Variants in MBD1 observed in about 807,000 individuals in gnomAD.
MBD1 encodes methyl-CpG binding domain protein 1.
A neutral mutation model predicts 82.6 loss-of-function variants in MBD1; 25 were observed. The ratio of observed to expected loss-of-function variants is 0.30; its 90% confidence interval spans 0.22 to 0.42. MBD1 has a LOEUF of 0.42. MBD1 is among the 10% of genes least tolerant of loss of function. MBD1 has a pLI of 1.00. For synonymous variants in MBD1, 301 were observed against 303.7 expected (o/e 0.99, Z 0.09); for missense variants, 627 against 819.6 (o/e 0.76, Z 2.87).
chr18:50,279,902 A>C lies in MBD1; in HGVS notation c.91T>G (p.Ser31Ala). ...CAGTACCTCTGGTAATAGGTGTCTG[A>C]GCGTCCACAGGTGGCCCCTGACTTG... ...FRKSGATCGR[S>A]DTYYQSPTGD... The change falls in exon 2 of 17, where the codon TCA becomes GCA. Residue 31 changes from serine (S) to alanine (A), a missense_variant. Transcript: ENST00000269468. 6.2e-7 allele frequency: 1 copy of C among 1,613,960 alleles called. No individual in the cohort carries two copies. The highest frequency in any genetic ancestry group is 1.3e-5 in the African/African-American group (1 of 75,038).
intron 16 of MBD1, chr18:50,270,350 C>G (rs2034996658): frequency 1.6e-6 from 1 of 634,904 alleles, no homozygotes; most frequent in Non-Finnish European, 2.9e-6. Flanking sequence ...CAGGTCTAAT[C>G]TTTTTGGCAC....
In MBD1 at chr18:50,281,107, G is replaced by A. The variant is rs1485995153; in HGVS notation, c.-26+256C>T. On this transcript the variant is annotated intron_variant, in intron 1 of 16. Transcript: ENST00000269468. ...TCAGATGCCCCGATGTCTCCCTTTA[G>A]CGTTCTGATCTCCACCATTCCTCTC... 3.3e-6 allele frequency: 5 copies of A among 1,495,674 alleles called. No homozygotes were observed. In the South Asian group the frequency reaches 6.1e-5, roughly 18 times the overall value. 92.7% of individuals were successfully genotyped at this position (1,495,674 alleles called of 1,614,324 possible).
intron 2 of MBD1, among the ~76,000 whole-genome samples, chr18:50,278,040 A>G (rs2038750483): frequency 6.6e-6 from 1 of 152,222 alleles, no homozygotes; most frequent in South Asian, 2.1e-4. Flanking sequence ...GGATAGTACC[A>G]AACCCTAATG....
chr18:50,273,755 G>C lies in MBD1; in HGVS notation c.1255C>G (p.Pro419Ala), dbSNP rs755061068. 40 of 1,613,990 alleles carry C rather than the reference G, an allele frequency of 2.5e-5. No homozygotes were observed. In the South Asian group the frequency reaches 4.4e-4, roughly 18 times the overall value. Residue 419 changes from proline to alanine, a missense_variant, in exon 12 of 17, where the codon CCT (proline) becomes GCT (alanine). Transcript: ENST00000269468. ...GTAGCCAAGGTGGGCTTCAAGGTAG[G>C]GCCAAGATGGTGCCGTCGGGCAGAG... is the stretch of plus-strand genomic sequence containing the variant. ...PSSARRHHLGPTLKPTLATRT... is the reference protein window; with the variant it reads ...PSSARRHHLGATLKPTLATRT...
intron 15 of MBD1, among the ~76,000 whole-genome samples, chr18:50,271,805 A>T (rs2035674069): frequency 6.6e-6 from 1 of 152,176 alleles, no homozygotes; most frequent in Non-Finnish European, 1.5e-5. Context: ...ACCCAACAGG[A>T]ACTCAATCAA....
rs1568207054 is a variant in MBD1, at chr18:50,273,401, T to C, written c.1517A>G (p.Gln506Arg). The change falls in exon 13 of 17, where the codon CAG (glutamine) becomes CGG (arginine). Residue 506 changes from glutamine (Q) to arginine (R), a missense_variant. Physicochemically the swap from Gln to Arg is conservative, Grantham distance 43. This residue lies in a region of MBD1 where 265 missense variants were observed against 278.4 expected (regional missense o/e 0.95). Transcript: ENST00000269468. ...PQVKQEKADT[Q>R]DEWTPGTAVL... ...AGCTGTGCCTGGTGTCCACTCGTCCTGGGTATCCGCCTTCTCTTGCTTCAC... is the reference window on the plus strand; with the variant it reads ...AGCTGTGCCTGGTGTCCACTCGTCCCGGGTATCCGCCTTCTCTTGCTTCAC... 6.2e-7 allele frequency: 1 copy of C among 1,614,198 alleles called. No individual in the cohort carries two copies. The highest frequency in any genetic ancestry group is 8.5e-7 in the Non-Finnish European group (1 of 1,180,022).
chr18:50,272,410 C>A (rs1162347965), intron 15 of MBD1: 2 of 515,960 alleles, frequency 3.9e-6, no homozygotes, highest in African/African-American at 3.8e-5. Context: ...GACTCCCTAT[C>A]TTTTTCTTTC....
At chr18:50,276,465 A>T in intron 5 of MBD1, 47 bp from the exon 6 acceptor site, 1 of 1,587,176 alleles carries the variant, frequency 6.3e-7, no homozygotes, top group Non-Finnish European at 8.7e-7. Flanking sequence ...GAAGCAACAG[A>T]CATCTGACTT....
intron 1 of MBD1, 110 bp from the exon 2 acceptor site, chr18:50,280,127 G>T: frequency 9.2e-7 from 1 of 1,084,844 alleles, no homozygotes; most frequent in Non-Finnish European, 1.3e-6. Flanking sequence ...CAAGCCCTAG[G>T]ACCTGCCACA....
intron 1 of MBD1, among the ~76,000 whole-genome samples, chr18:50,280,437 A>C (rs2039767456): frequency 1.3e-5 from 2 of 148,652 alleles, no homozygotes; most frequent in African/African-American, 5.0e-5. Flanking sequence ...AAAGGGCCCC[A>C]TTTCTCTTGC....
chr18:50,267,687 CTG>C (rs1212727126), downstream of MBD1: 16 of 1,503,632 alleles, frequency 1.1e-5, no homozygotes, highest in Middle Eastern at 3.4e-4. Flanking sequence ...AAGAATGACA[CTG>C]TGATACTCCC....
Position 50,273,751 on chromosome 18 carries a change from G to A in MBD1, c.1259C>T (p.Thr420Ile). 1 of 1,614,158 alleles carries A rather than the reference G, an allele frequency of 6.2e-7. No individual in the cohort carries two copies. The highest frequency in any genetic ancestry group is 8.5e-7 in the Non-Finnish European group (1 of 1,180,044). ...GCGTGTAGCCAAGGTGGGCTTCAAG[G>A]TAGGGCCAAGATGGTGCCGTCGGGC... The part of the protein sequence containing the change: ...SSARRHHLGP[T>I]LKPTLATRTA... Residue 420 changes from threonine to isoleucine, a missense_variant, in exon 12 of 17, where the codon ACC becomes ATC. Thr to Ile is a moderately conservative substitution (Grantham distance 89). This residue lies in a region of MBD1 where 265 missense variants were observed against 278.4 expected (regional missense o/e 0.95). Transcript: ENST00000269468.
rs1278060561 is a variant in MBD1, at chr18:50,269,763, C to T, written c.*88G>A. On this transcript the variant is annotated 3_prime_UTR_variant, in exon 17 of 17. Coordinates refer to ENST00000269468, the MANE Select transcript of MBD1 (RefSeq NM_015846.4). ...CTCGTGCTCGTGGGCTCCACTGTGT[C>T]CTCGGTCTCCCACACTTTACATCCA... 8.9e-6 allele frequency: 7 copies of T among 782,812 alleles called. No homozygotes were observed. The highest frequency in any genetic ancestry group is 1.7e-5 in the Admixed American group (1 of 59,050). 48.5% of individuals were successfully genotyped at this position (782,812 alleles called of 1,614,324 possible).
intron 13 of MBD1, 178 bp from the exon 14 acceptor site, chr18:50,273,133 T>G (rs1387047868): frequency 1.7e-6 from 2 of 1,203,046 alleles, no homozygotes; most frequent in Non-Finnish European, 2.4e-6. Context: ...CCTCCGTTTT[T>G]CTGTTAGCTG....
chr18:50,279,946 T>C lies in MBD1; in HGVS notation c.47A>G (p.Lys16Arg), dbSNP rs1289005757. The part of the protein sequence containing the change: ...LDCPALGPGW[K>R]RREVFRKSGA... ...TGACTTGCGAAAGACTTCGCGGCGC[T>C]TCCAGCCAGGGCCCAGGGCCGGGCA... The change falls in exon 2 of 17, where the codon AAG becomes AGG. Residue 16 changes from lysine (K) to arginine (R), a missense_variant. Transcript: ENST00000269468. 2.5e-6 allele frequency: 4 copies of C among 1,612,990 alleles called. No individual in the cohort carries two copies. Among genetic ancestry groups the C allele is most frequent in the Admixed American group, 1.7e-5 (1 of 60,016 alleles).
chr18:50,277,713 TG>T (rs1396472743), intron 2 of MBD1, among the ~76,000 whole-genome samples: 1 of 152,166 alleles, frequency 6.6e-6, no homozygotes, highest in Non-Finnish European at 1.5e-5. Context: ...AGACAACGAT[TG>T]TCCTTTTTGA....
intron 2 of MBD1, among the ~76,000 whole-genome samples, chr18:50,277,797 G>T (rs2038615104): frequency 6.6e-6 from 1 of 152,078 alleles, no homozygotes; most frequent in Admixed American, 6.5e-5. Flanking sequence ...CCTTCCATAG[G>T]AGGAAGGGAA....
At position 50,276,418 on chromosome 18, in the gene MBD1, G is replaced by A; in HGVS notation, c.476C>T (p.Ala159Val). The change falls in exon 6 of 17, where the codon GCA becomes GTA. Residue 159 changes from alanine to valine, a missense_variant and splice_region_variant. Physicochemically the swap from Ala to Val is moderately conservative, Grantham distance 64. This residue lies in a region of MBD1 where 228 missense variants were observed against 318.1 expected (regional missense o/e 0.72). Coordinates refer to ENST00000269468, the MANE Select transcript of MBD1 (RefSeq NM_015846.4). ...RLKTLCKDCR[A>V]QRIAFNREQR... ...TTCCCGGTTGAAGGCAATTCTCTGT[G>A]CTGTGGGGAGGAAGAGGGAAGAAGA... 6.2e-7 allele frequency: 1 copy of A among 1,614,082 alleles called. No individual in the cohort carries two copies. Among genetic ancestry groups the A allele is most frequent in the Non-Finnish European group, 8.5e-7 (1 of 1,179,980 alleles).
Position 50,275,537 on chromosome 18 carries a change from G to C in MBD1, c.792+63C>G, listed in dbSNP as rs1194346791. 1.9e-6 allele frequency: 3 copies of C among 1,613,200 alleles called. No individual in the cohort carries two copies. The East Asian group carries it at 6.7e-5, about 36-fold the overall frequency. On this transcript the variant is annotated intron_variant, in intron 8 of 16. Transcript: ENST00000269468. ...TGAGGTAGGCAAGGCCAGGTTGAAA[G>C]GAAGCAGAGGCAGCGACGATTTTAA...
Sources: gnomAD v4.1 joint callset for allele counts (sites outside exome capture counted in the v4.1 genomes callset) on GRCh38, gnomAD v4.1.1 for gene constraint, gnomAD v4.1.1 regional missense constraint, MANE v1.5 for transcripts, NCBI Gene and HGNC (gene_info 2026-07-23, HGNC 2026-07-21) for gene names.